The following PEBP4 variants were observed in gnomAD, a reference collection of about 807,000 sequenced individuals.
The protein encoded by PEBP4 is phosphatidylethanolamine binding protein 4.
Under a neutral mutation model 23.9 loss-of-function variants are expected in PEBP4, and 22 were observed. The ratio of observed to expected loss-of-function variants is 0.92; its 90% CI spans 0.66 to 1.31. The LOEUF (loss-of-function observed/expected upper bound fraction) is 1.31, where lower values mean the gene tolerates loss of function less well. Among genes scored for constraint, PEBP4 ranks in the 40% most tolerant of loss-of-function variants. The pLI, the probability that PEBP4 is intolerant of heterozygous loss-of-function variation, is 0.00. For synonymous variants in PEBP4, 112 were observed against 99.3 expected (o/e 1.13, Z -0.76); for missense variants, 324 against 281.7 (o/e 1.15, Z -1.07).
chr8:22,807,489 A>G (rs927886567), intron 4 of PEBP4, among the ~76,000 whole-genome samples: 1 of 152,202 alleles, frequency 6.6e-6, no homozygotes, highest in Non-Finnish European at 1.5e-5. Context: ...ATTTTTGTAG[A>G]CGGTGAGATT....
chr8:22,748,476 G>A (rs967198816), intron 4 of PEBP4, among the ~76,000 whole-genome samples: 11 of 151,440 alleles, frequency 7.3e-5, no homozygotes, highest in African/African-American at 4.9e-5. Context: ...GAGGGGAGAG[G>A]GCACTGAGGA....
At chr8:22,729,246 C>G (rs75995349) in intron 4 of PEBP4, among the ~76,000 whole-genome samples, 2 of 152,360 alleles carry the variant, frequency 1.3e-5, no homozygotes, top group East Asian at 1.9e-4. Flanking sequence ...TTCTGCCACC[C>G]GAGCAAGATG....
intron 3 of PEBP4, among the ~76,000 whole-genome samples, chr8:22,859,808 C>T (rs1393960374): frequency 2.0e-5 from 3 of 152,048 alleles, no homozygotes; most frequent in Non-Finnish European, 4.4e-5. Context: ...ACTCTTATGC[C>T]TCTCTATCTT....
At chr8:22,750,250 T>C (rs1226095530) in intron 4 of PEBP4, among the ~76,000 whole-genome samples, 3 of 152,028 alleles carry the variant, frequency 2.0e-5, no homozygotes, top group South Asian at 2.1e-4. Flanking sequence ...TACAGGTGCC[T>C]GCCACCACGC....
At chr8:22,816,786 G>C (rs1187288352) in intron 4 of PEBP4, among the ~76,000 whole-genome samples, 1 of 152,124 alleles carries the variant, frequency 6.6e-6, no homozygotes, top group African/African-American at 2.4e-5. Context: ...GGTGTTCTAG[G>C]CACAGATTCG....
chr8:22,894,879 A>C (rs58951751), intron 3 of PEBP4, among the ~76,000 whole-genome samples: 1,953 of 152,278 alleles, frequency 0.013, 29 homozygotes, highest in South Asian at 0.053. Context: ...CCTTTCCAGC[A>C]GAAGCTGCCC....
intron 4 of PEBP4, among the ~76,000 whole-genome samples, chr8:22,750,247 GCC>G (rs1805224824): frequency 6.6e-6 from 1 of 152,008 alleles, no homozygotes; most frequent in Non-Finnish European, 1.5e-5. Context: ...GATTACAGGT[GCC>G]TGCCACCACG....
intron 2 of PEBP4, 60 bp downstream of exon 2, chr8:22,927,524 C>A: frequency 6.4e-7 from 1 of 1,554,700 alleles, no homozygotes; most frequent in Non-Finnish European, 8.7e-7. Context: ...ATACCCCTCC[C>A]TGCCATCTAC....
rs1195832516 is a variant in PEBP4 at position 22,775,956 on chromosome 8, C to T, written c.357+41681G>A. Among the ~76,000 whole-genome samples the T allele has an allele frequency of 6.6e-6, 1 of 152,042 alleles. No homozygotes were observed. The highest frequency in any genetic ancestry group is 1.5e-5 in the Non-Finnish European group (1 of 68,004). On this transcript the variant is annotated intron_variant, in intron 4 of 6. Coordinates refer to ENST00000256404, the MANE Select transcript of PEBP4 (RefSeq NM_144962.3). This position sits in a 1 kb window ranked among gnomAD's most constrained non-coding sequence, Gnocchi z 4.8. ...ATGGCCAGGGTGGTCTGGGCTCACCCCTGGAACAATGGGGGTTGCAGATGC... is the reference window on the plus strand; with the variant it reads ...ATGGCCAGGGTGGTCTGGGCTCACCTCTGGAACAATGGGGGTTGCAGATGC...
chr8:22,840,369 G>A (rs1173996251), intron 3 of PEBP4, among the ~76,000 whole-genome samples: 1 of 150,606 alleles, frequency 6.6e-6, no homozygotes, highest in African/African-American at 2.4e-5. Flanking sequence ...AAAGAACATG[G>A]TTCTTTTCTT....
At chr8:22,927,484 C>T in intron 2 of PEBP4, 100 bp downstream of exon 2, 3 of 1,404,860 alleles carry the variant, frequency 2.1e-6, no homozygotes, top group Non-Finnish European at 2.8e-6. Context: ...TAAAATCAGG[C>T]TCAGGAGATG....
chr8:22,753,488 T>G (rs1202241595), intron 4 of PEBP4, among the ~76,000 whole-genome samples: 1 of 152,234 alleles, frequency 6.6e-6, no homozygotes, highest in Non-Finnish European at 1.5e-5. Context: ...TGAAGCAGCC[T>G]TCTTTTAATC....
intron 4 of PEBP4, among the ~76,000 whole-genome samples, chr8:22,796,516 T>G (rs1484202149): frequency 6.6e-6 from 1 of 152,192 alleles, no homozygotes; most frequent in East Asian, 1.9e-4. Flanking sequence ...CGGGCAGCCC[T>G]CTGTGCTGGC....
intron 4 of PEBP4, among the ~76,000 whole-genome samples, chr8:22,776,935 C>T (rs1375750826): frequency 2.6e-5 from 4 of 151,902 alleles, no homozygotes; most frequent in Non-Finnish European, 5.9e-5. Context: ...TGGGGTACAA[C>T]CAGGGCAGCA....
chr8:22,718,866 T>C (rs914838386), intron 6 of PEBP4, among the ~76,000 whole-genome samples: 1 of 152,142 alleles, frequency 6.6e-6, no homozygotes, highest in African/African-American at 2.4e-5. Context: ...CCTGACACCA[T>C]GTGCTGCTGT....
rs1807033461 is a variant in PEBP4 at position 22,829,272 on chromosome 8, GCC to G, written c.259-11539_259-11538del. 4.6e-5 allele frequency among the ~76,000 whole-genome samples: 7 copies of G among 152,118 alleles called. 1 individual carries two copies. Among genetic ancestry groups the G allele is most frequent in the Admixed American group, 4.6e-4 (7 of 15,268 alleles). ...GAAAGTCACATCACAGAAGAGGTTG[GCC>G]CCACCCTATATTTTTGGCTACCAGC... is the stretch of plus-strand genomic sequence containing the variant. On this transcript the variant is annotated intron_variant, in intron 3 of 6. Coordinates refer to ENST00000256404, the MANE Select transcript of PEBP4 (RefSeq NM_144962.3).
Position 22,771,027 on chromosome 8 carries a change from G to A in PEBP4, c.358-43807C>T, listed in dbSNP as rs539586750. Among the ~76,000 whole-genome samples, 32 of 152,354 alleles carry A rather than the reference G, an allele frequency of 2.1e-4. No homozygotes were observed. In the South Asian group the frequency reaches 5.4e-3, roughly 26 times the overall value. On this transcript the variant is annotated intron_variant, in intron 4 of 6. Coordinates refer to ENST00000256404, the MANE Select transcript of PEBP4 (RefSeq NM_144962.3). ...GATATGTGAAAGCATTTTGTAAACC[G>A]TGATGCTTGGTGAAATGCCATGAGC...
At chr8:22,887,558 G>C (rs1808408524) in intron 3 of PEBP4, 1 of 162 alleles carries the variant, frequency 6.2e-3, no homozygotes, top group Non-Finnish European at 9.8e-3. Context: ...TTGAGCCCAG[G>C]AGTTGAGACC....
In PEBP4 at chr8:22,807,608, G is replaced by C. The variant is rs142889118; in HGVS notation, c.357+10029C>G. ...ATCTTGTCTTTTAATTTATGTTTAT[G>C]ATTCTTTTTTTCTACCCCATTCAAA... On this transcript the variant is annotated intron_variant, in intron 4 of 6. Transcript: ENST00000256404. 3.3e-5 allele frequency among the ~76,000 whole-genome samples: 5 copies of C among 152,206 alleles called. No homozygotes were observed. In the East Asian group the frequency reaches 9.7e-4, roughly 29 times the overall value.
Sources: allele counts gnomAD v4.1 joint callset (sites outside exome capture counted in the v4.1 genomes callset), GRCh38; gene constraint gnomAD v4.1.1; non-coding constraint Gnocchi (gnomAD v3.1); transcripts MANE v1.5; gene names NCBI Gene and HGNC (gene_info 2026-07-23, HGNC 2026-07-21).